The following GABRA1 variants were observed in gnomAD, a reference collection of about 807,000 sequenced individuals.
The protein encoded by GABRA1 is gamma-aminobutyric acid receptor subunit alpha-1.
In GABRA1, 9 loss-of-function variants were observed where a neutral mutation model predicts 48.9. The observed-to-expected ratio is 0.18, with a 90% confidence interval of 0.11 to 0.32. The LOEUF (loss-of-function observed/expected upper bound fraction) is 0.32, where lower values mean the gene tolerates loss of function less well. GABRA1 is among the 10% of genes least tolerant of loss of function. The pLI, the probability that GABRA1 is intolerant of heterozygous loss-of-function variation, is 1.00. For synonymous variants in GABRA1, 210 were observed against 198.7 expected (o/e 1.06, Z -0.48); for missense variants, 285 against 553.8 (o/e 0.51, Z 4.87).
At chr5:161,875,936 C>G (rs1294677167) in intron 6 of GABRA1, among the ~76,000 whole-genome samples, 1 of 152,112 alleles carries the variant, frequency 6.6e-6, no homozygotes, top group Non-Finnish European at 1.5e-5. Context: ...GATGCTTCTA[C>G]CTCATGGATA....
intron 6 of GABRA1, among the ~76,000 whole-genome samples, chr5:161,876,969 C>T (rs1171976387): frequency 1.3e-5 from 2 of 152,142 alleles, no homozygotes; most frequent in East Asian, 3.9e-4. Flanking sequence ...AGGTCTTGCT[C>T]TGTTGCCATG....
intron 7 of GABRA1, among the ~76,000 whole-genome samples, chr5:161,884,590 T>C (rs1265957030): frequency 6.6e-6 from 1 of 152,174 alleles, no homozygotes; most frequent in Non-Finnish European, 1.5e-5. Flanking sequence ...TTTTTCATTT[T>C]GTTAGTCTGA....
chr5:161,893,754 C>T (rs895348755), intron 8 of GABRA1, among the ~76,000 whole-genome samples: 4 of 152,166 alleles, frequency 2.6e-5, no homozygotes, highest in African/African-American at 9.7e-5. Context: ...TCTTATGGAG[C>T]TTCAGTTGTC....
At chr5:161,872,665 G>A (rs1258951357) in intron 4 of GABRA1, among the ~76,000 whole-genome samples, 1 of 152,006 alleles carries the variant, frequency 6.6e-6, no homozygotes. Flanking sequence ...GTGGGCATGA[G>A]GTTTTCAGAG....
At chr5:161,861,337 C>T (rs986468032) in intron 3 of GABRA1, among the ~76,000 whole-genome samples, 1 of 151,784 alleles carries the variant, frequency 6.6e-6, no homozygotes, top group Non-Finnish European at 1.5e-5. Flanking sequence ...CTTCTACTGA[C>T]CAAAAGAAAC....
chr5:161,868,415 T>C (rs984310788), intron 4 of GABRA1, among the ~76,000 whole-genome samples: 1 of 110,096 alleles, frequency 9.1e-6, no homozygotes. Context: ...ATAGGTAAAA[T>C]TGATGTTTTT....
chr5:161,856,932 T>A (rs1295668436), intron 3 of GABRA1, among the ~76,000 whole-genome samples: 1 of 151,278 alleles, frequency 6.6e-6, no homozygotes, highest in Non-Finnish European at 1.5e-5. Context: ...GCTTTTTTTT[T>A]ATTTTTGCAG....
At chr5:161,893,651 A>G (rs1427855802) in intron 8 of GABRA1, among the ~76,000 whole-genome samples, 1 of 152,212 alleles carries the variant, frequency 6.6e-6, no homozygotes, top group African/African-American at 2.4e-5. Flanking sequence ...ATCTGGAGGC[A>G]GTGTGGTCAC....
chr5:161,847,429 T>C (rs1378668681), upstream of GABRA1: 2 of 152,208 alleles, frequency 1.3e-5, no homozygotes, highest in African/African-American at 2.4e-5. Context: ...CGCCTGCGTT[T>C]TCTCCATGAT....
intron 6 of GABRA1, among the ~76,000 whole-genome samples, chr5:161,878,281 G>A (rs1487793219): frequency 2.0e-5 from 3 of 152,124 alleles, no homozygotes; most frequent in South Asian, 2.1e-4. Flanking sequence ...CATGCTTAGC[G>A]GAAAAGAACA....
At chr5:161,852,427 G>C (rs888053781) in intron 2 of GABRA1, among the ~76,000 whole-genome samples, 2 of 151,780 alleles carry the variant, frequency 1.3e-5, no homozygotes, top group South Asian at 2.1e-4. Flanking sequence ...CAGAGTTCCC[G>C]ATCAGGGCCT....
chr5:161,895,838 A>T lies in GABRA1; in HGVS notation c.1029A>T (p.Ala343=), dbSNP rs1304537393. The change falls in exon 9 of 10, where the codon GCA becomes GCT. Residue 343 remains alanine, a synonymous_variant. Transcript: ENST00000393943. ...ACTATTTCACTAAGAGAGGTTATGC[A>T]TGGGATGGCAAAAGTGTGGTTCCAG... The part of the protein sequence containing the change: ...TVNYFTKRGY[A]WDGKSVVPEK... The T allele has an allele frequency of 1.9e-6, 3 of 1,613,978 alleles. No individual in the cohort carries two copies. The South Asian group carries it at 3.3e-5, about 18-fold the overall frequency.
intron 3 of GABRA1, among the ~76,000 whole-genome samples, chr5:161,862,394 C>CT (rs567842251): frequency 1.9e-4 from 29 of 151,798 alleles, no homozygotes; most frequent in South Asian, 1.9e-3. Flanking sequence ...TTGCCTCCTT[C>CT]TTTTTTTTAA....
chr5:161,852,510 T>A (rs1421857551), intron 2 of GABRA1, among the ~76,000 whole-genome samples: 1 of 152,052 alleles, frequency 6.6e-6, no homozygotes, highest in South Asian at 2.1e-4. Flanking sequence ...CCTTGAAAGA[T>A]GCAGGAATGG....
At chr5:161,862,460 T>C (rs1757899881) in intron 3 of GABRA1, among the ~76,000 whole-genome samples, 2 of 151,938 alleles carry the variant, frequency 1.3e-5, no homozygotes, top group Non-Finnish European at 2.9e-5. Flanking sequence ...TTCCCATCTT[T>C]AAAGTCTCAT....
intron 2 of GABRA1, among the ~76,000 whole-genome samples, 169 bp downstream of exon 2, chr5:161,851,053 T>C: frequency 6.6e-6 from 1 of 152,158 alleles, no homozygotes. Context: ...AACAAATCAT[T>C]ATGTTTGCAC....
chr5:161,874,231 C>T (rs1324004645), intron 5 of GABRA1, among the ~76,000 whole-genome samples: 1 of 152,058 alleles, frequency 6.6e-6, no homozygotes, highest in African/African-American at 2.4e-5. Context: ...TTGGAGAAAG[C>T]TGCCAGAATG....
At chr5:161,896,008 G>T (rs1420432485) in intron 9 of GABRA1, 140 bp downstream of exon 9, 7 of 750,656 alleles carry the variant, frequency 9.3e-6, no homozygotes, top group African/African-American at 3.5e-5. Flanking sequence ...AAACAATTAA[G>T]TGCCATGATA....
intron 6 of GABRA1, among the ~76,000 whole-genome samples, chr5:161,878,631 G>C (rs1041285870): frequency 3.9e-5 from 6 of 152,090 alleles, no homozygotes; most frequent in African/African-American, 1.4e-4. Flanking sequence ...GATTGTTAAG[G>C]CTAACTTAAA....
Sources: allele counts gnomAD v4.1 joint callset (sites outside exome capture counted in the v4.1 genomes callset), GRCh38; gene constraint gnomAD v4.1.1; transcripts MANE v1.5; gene names NCBI Gene and HGNC (gene_info 2026-07-23, HGNC 2026-07-21).